SPATA21: variants seen among roughly 807,000 people sequenced by gnomAD.
SPATA21 encodes spermatogenesis associated 21.
SPATA21 carries 47 observed loss-of-function variants against 54.8 expected under a neutral mutation model. That is an observed-to-expected ratio of 0.86 (90% CI 0.68 to 1.09). SPATA21 has a LOEUF of 1.09. Ranked by LOEUF, SPATA21 falls within the 50% of genes least tolerant of loss-of-function variation. The pLI, the probability that SPATA21 is intolerant of heterozygous loss-of-function variation, is 0.00. For synonymous variants in SPATA21, 245 were observed against 235.3 expected (o/e 1.04, Z -0.38); for missense variants, 599 against 596.4 (o/e 1.00, Z -0.05).
At chr1:16,423,175 G>A (rs2086219010) in intron 3 of SPATA21, among the ~76,000 whole-genome samples, 1 of 139,076 alleles carries the variant, frequency 7.2e-6, no homozygotes, top group East Asian at 2.2e-4. Flanking sequence ...AAATAATAAA[G>A]GCCTAAGTGG....
chr1:16,416,662 CAGAG>C (rs1305191714), intron 5 of SPATA21, among the ~76,000 whole-genome samples: 1 of 139,916 alleles, frequency 7.1e-6, no homozygotes, highest in Non-Finnish European at 1.5e-5. Context: ...GCCTGGGCGA[CAGAG>C]AGAGACTCCA....
At chr1:16,422,164 G>A (rs2086191514) in intron 3 of SPATA21, 193 bp from the exon 4 acceptor site, 1 of 1,446,136 alleles carries the variant, frequency 6.9e-7, no homozygotes, top group Non-Finnish European at 9.1e-7. Context: ...ATGTCTGCCT[G>A]GTGACTGGGG....
chr1:16,409,575 GGCGGGTGA>G lies in SPATA21; in HGVS notation c.587+18_587+25del. 1 of 1,595,960 alleles carries G rather than the reference GGCGGGTGA, an allele frequency of 6.3e-7. No individual in the cohort carries two copies. The highest frequency in any genetic ancestry group is 8.5e-7 in the Non-Finnish European group (1 of 1,173,340). ...CTGATCTTGGGGCCTTTCAGGAGCG[GGCGGGTGA>G]GCAGCGGGGGCTCCTACCGCGCCTT... On this transcript the variant is annotated intron_variant, in intron 6 of 12. Transcript: ENST00000335496. This position sits in a 1 kb window ranked among gnomAD's most constrained non-coding sequence, Gnocchi z 4.1.
intron 2 of SPATA21, 111 bp downstream of exon 2, chr1:16,432,679 C>G (rs767134664): frequency 3.9e-5 from 6 of 152,476 alleles, no homozygotes; most frequent in Non-Finnish European, 8.8e-5. Flanking sequence ...TCCTTTGAGG[C>G]AACATCAGCA....
intron 5 of SPATA21, among the ~76,000 whole-genome samples, chr1:16,412,819 C>T (rs1196817683): frequency 6.6e-6 from 1 of 151,096 alleles, no homozygotes; most frequent in Non-Finnish European, 1.5e-5. Context: ...TAGATAAAGT[C>T]TTGCTCTGTC....
At position 16,400,714 on chromosome 1, in the gene SPATA21, C is replaced by T; in HGVS notation, c.1174+6G>A. On this transcript the variant is annotated splice_donor_region_variant and intron_variant, in intron 11 of 12. Coordinates refer to ENST00000335496, the MANE Select transcript of SPATA21 (RefSeq NM_198546.1). ...TAGCCCATCCCACCCTGCCCAGGGC[C>T]CTCACCATAGTTCTGCTGCTTCAGC... 1 of 1,610,996 alleles carries T rather than the reference C, an allele frequency of 6.2e-7. No individual in the cohort carries two copies. The highest frequency in any genetic ancestry group is 1.1e-5 in the South Asian group (1 of 90,926).
intron 3 of SPATA21, chr1:16,425,692 C>A (rs1050969110): frequency 1.6e-5 from 25 of 1,550,138 alleles, no homozygotes; most frequent in Admixed American, 7.8e-5. Context: ...CTTGCAGCTC[C>A]TGGGACCCTT....
chr1:16,406,568 C>A (rs1193208834), intron 7 of SPATA21, among the ~76,000 whole-genome samples: 2 of 146,502 alleles, frequency 1.4e-5, no homozygotes, highest in Non-Finnish European at 3.0e-5. Flanking sequence ...ATAAGAGACT[C>A]CATCTCTACA....
chr1:16,424,127 A>G (rs974582400), intron 3 of SPATA21, among the ~76,000 whole-genome samples: 1 of 149,998 alleles, frequency 6.7e-6, no homozygotes, highest in Non-Finnish European at 1.5e-5. Context: ...GTGAATGCCA[A>G]TTATACCTTA....
chr1:16,425,562 G>A lies in SPATA21; in HGVS notation c.35-3591C>T, dbSNP rs938262. On this transcript the variant is annotated intron_variant, in intron 3 of 12. Coordinates refer to ENST00000335496, the MANE Select transcript of SPATA21 (RefSeq NM_198546.1). Reference sequence around the variant, plus strand: ...GGAGGCTGATCCTCCCCGATTCCCCGGTTCCGTTGCCTCCCCTGCTGGCCC... The same window carrying A: ...GGAGGCTGATCCTCCCCGATTCCCCAGTTCCGTTGCCTCCCCTGCTGGCCC... 6,020 of 1,549,576 alleles carry A rather than the reference G, an allele frequency of 3.9e-3. 253 individuals are homozygous for A. The East Asian group carries it at 0.062, about 16-fold the overall frequency.
At chr1:16,405,704 C>G (rs1224100045) in intron 7 of SPATA21, among the ~76,000 whole-genome samples, 2 of 152,052 alleles carry the variant, frequency 1.3e-5, no homozygotes, top group Non-Finnish European at 2.9e-5. Flanking sequence ...AACCTGACAC[C>G]ACACAGTCTG....
chr1:16,426,577 ATATTTTTTT>A (rs1471020834), intron 3 of SPATA21, among the ~76,000 whole-genome samples: 20 of 111,108 alleles, frequency 1.8e-4, no homozygotes, highest in African/African-American at 7.9e-4. Context: ...ATATATATAT[ATATTTTTTT>A]TTTTTTTTTT....
chr1:16,398,615 G>A, downstream of SPATA21: 1 of 809,014 alleles, frequency 1.2e-6, no homozygotes, highest in Non-Finnish European at 2.0e-6. Flanking sequence ...ACAACTTGAG[G>A]GCCTTTCTTG....
At chr1:16,425,799 G>T in intron 3 of SPATA21, 2 of 1,395,268 alleles carry the variant, frequency 1.4e-6, no homozygotes, top group Non-Finnish European at 1.9e-6. Context: ...ATTTTTACAG[G>T]GCTAGGCATA....
In SPATA21 at chr1:16,409,886, C is replaced by T. The variant is rs762570991; in HGVS notation, c.302G>A (p.Arg101Lys). The change falls in exon 6 of 13, where the codon AGA becomes AAA. Residue 101 changes from arginine (R) to lysine (K), a missense_variant. Physicochemically the swap from Arg to Lys is conservative, Grantham distance 26. Coordinates refer to ENST00000335496, the MANE Select transcript of SPATA21 (RefSeq NM_198546.1). This position sits in a 1 kb window ranked among gnomAD's most constrained non-coding sequence, Gnocchi z 4.1. The stretch of plus-strand genomic sequence containing the variant: ...TGTCTGGGACCGGGCCTTCGAGGCT[C>T]TCCGATGGGAGGCCTCCATTTTCTC... ...EVEKMEASHR[R>K]ASKARSQTAQ... is the part of the protein sequence containing the mutation. 2 of 1,613,052 alleles carry T rather than the reference C, an allele frequency of 1.2e-6. No individual in the cohort carries two copies. Among genetic ancestry groups the T allele is most frequent in the Non-Finnish European group, 1.7e-6 (2 of 1,179,582 alleles).
At chr1:16,415,404 T>G (rs985087118) in intron 5 of SPATA21, among the ~76,000 whole-genome samples, 5 of 152,120 alleles carry the variant, frequency 3.3e-5, no homozygotes, top group Non-Finnish European at 7.3e-5. Flanking sequence ...TGGCCATGAA[T>G]CCAGCCTCAC....
chr1:16,401,191 A>G (rs2085436039), intron 10 of SPATA21, among the ~76,000 whole-genome samples: 1 of 152,240 alleles, frequency 6.6e-6, no homozygotes, highest in Admixed American at 6.5e-5. Context: ...GACAGTTCAC[A>G]TGCCGTAGGA....
chr1:16,427,125 T>A (rs1216454147), intron 3 of SPATA21, among the ~76,000 whole-genome samples: 2 of 152,142 alleles, frequency 1.3e-5, no homozygotes, highest in Non-Finnish European at 2.9e-5. Flanking sequence ...AATTATTTCC[T>A]CATGGCCTAT....
At chr1:16,406,340 A>G (rs973085444) in intron 7 of SPATA21, among the ~76,000 whole-genome samples, 2 of 152,200 alleles carry the variant, frequency 1.3e-5, no homozygotes, top group African/African-American at 4.8e-5. Flanking sequence ...TAACTCCAGT[A>G]CTTCCAAATG....
Sources: gnomAD v4.1 joint callset for allele counts (sites outside exome capture counted in the v4.1 genomes callset) on GRCh38, gnomAD v4.1.1 for gene constraint, Gnocchi (gnomAD v3.1) non-coding constraint, MANE v1.5 for transcripts, NCBI Gene and HGNC (gene_info 2026-07-23, HGNC 2026-07-21) for gene names.